The following ZMAT4 variants were observed in gnomAD, a reference collection of about 807,000 sequenced individuals.
ZMAT4 encodes zinc finger matrin-type 4.
In ZMAT4, 17 loss-of-function variants were observed where a neutral mutation model predicts 28.7. The ratio of observed to expected loss-of-function variants is 0.59; its 90% CI spans 0.41 to 0.89. ZMAT4 has a LOEUF of 0.89. ZMAT4 is among the 40% of genes least tolerant of loss of function. ZMAT4 has a pLI of 0.00. For missense variants in ZMAT4, 240 were observed against 283.8 expected (o/e 0.85, Z 1.11); for synonymous variants, 117 against 109.2 (o/e 1.07, Z -0.44).
At chr8:40,622,352 TCTC>T (rs1258291215) in intron 5 of ZMAT4, among the ~76,000 whole-genome samples, 1 of 152,194 alleles carries the variant, frequency 6.6e-6, no homozygotes, top group East Asian at 1.9e-4. Context: ...ATGCCTGCCT[TCTC>T]CAACACTTAA....
At chr8:40,535,472 C>G (rs894408967) in intron 6 of ZMAT4, among the ~76,000 whole-genome samples, 1 of 152,030 alleles carries the variant, frequency 6.6e-6, no homozygotes, top group South Asian at 2.1e-4. Context: ...AGATCGAGAC[C>G]ATCCTGGCCA....
chr8:40,878,151 C>T (rs1672684536), intron 1 of ZMAT4, among the ~76,000 whole-genome samples: 1 of 152,170 alleles, frequency 6.6e-6, no homozygotes, highest in Non-Finnish European at 1.5e-5. Context: ...AGCAAAGGGC[C>T]TCCAAGTGGC....
At chr8:40,719,034 A>C (rs961185071) in intron 3 of ZMAT4, among the ~76,000 whole-genome samples, 1 of 152,222 alleles carries the variant, frequency 6.6e-6, no homozygotes, top group Non-Finnish European at 1.5e-5. Flanking sequence ...GCTCACTCAG[A>C]TGAGAACCGG....
intron 2 of ZMAT4, among the ~76,000 whole-genome samples, chr8:40,811,501 G>A (rs924449892): frequency 2.0e-5 from 3 of 152,200 alleles, no homozygotes; most frequent in African/African-American, 7.2e-5. Context: ...GGGGTAATCG[G>A]AAGCCAACGT....
chr8:40,639,638 A>ACAC (rs1806933383), intron 5 of ZMAT4, among the ~76,000 whole-genome samples: 1 of 152,034 alleles, frequency 6.6e-6, no homozygotes, highest in African/African-American at 2.4e-5. Context: ...ACACACACAC[A>ACAC]CACACACACA....
At chr8:40,612,656 T>C (rs1403397220) in intron 5 of ZMAT4, among the ~76,000 whole-genome samples, 1 of 136,936 alleles carries the variant, frequency 7.3e-6, no homozygotes, top group Non-Finnish European at 1.7e-5. Flanking sequence ...CCTGATATCT[T>C]CACCTGAGTG....
At chr8:40,554,369 AGTTAATTAACTACTAATTG>A in intron 6 of ZMAT4, among the ~76,000 whole-genome samples, 1 of 150,984 alleles carries the variant, frequency 6.6e-6, no homozygotes, top group African/African-American at 2.4e-5. Flanking sequence ...TAAGTTAATT[AGTTAATTAACTACTAATTG>A]GTTAATTAAC....
At chr8:40,828,694 A>G (rs72641565) in intron 1 of ZMAT4, among the ~76,000 whole-genome samples, 2,751 of 152,304 alleles carry the variant, frequency 0.018, 39 homozygotes, top group Non-Finnish European at 0.03. Context: ...CCTGAGTGGA[A>G]TATCTGAACA....
chr8:40,754,885 G>T (rs776021974), intron 3 of ZMAT4, among the ~76,000 whole-genome samples: 2 of 152,178 alleles, frequency 1.3e-5, no homozygotes, highest in African/African-American at 2.4e-5. Context: ...TTAGCTGGTT[G>T]CCGTGATGCA....
At chr8:40,889,305 G>A (rs967517386) in intron 1 of ZMAT4, among the ~76,000 whole-genome samples, 1 of 152,232 alleles carries the variant, frequency 6.6e-6, no homozygotes, top group Non-Finnish European at 1.5e-5. Flanking sequence ...CGCATTTCAC[G>A]TGAGCGTTTA....
At chr8:40,673,802 A>C (rs192130403) in intron 5 of ZMAT4, among the ~76,000 whole-genome samples, 2 of 152,152 alleles carry the variant, frequency 1.3e-5, no homozygotes, top group Non-Finnish European at 2.9e-5. Flanking sequence ...TTCCAAATTC[A>C]GCAGCTTCTG....
chr8:40,561,476 C>T (rs1563340755), intron 6 of ZMAT4, among the ~76,000 whole-genome samples: 1 of 152,136 alleles, frequency 6.6e-6, no homozygotes, highest in African/African-American at 2.4e-5. Context: ...TGCAGAACTA[C>T]CACTTTATTG....
At chr8:40,637,739 C>T (rs755235201) in intron 5 of ZMAT4, among the ~76,000 whole-genome samples, 5 of 152,310 alleles carry the variant, frequency 3.3e-5, no homozygotes, top group Non-Finnish European at 7.3e-5. Flanking sequence ...GTGGAGCTGT[C>T]CTTCCTGGAC....
intron 5 of ZMAT4, among the ~76,000 whole-genome samples, chr8:40,657,847 G>A (rs1358015243): frequency 6.6e-6 from 1 of 152,116 alleles, no homozygotes; most frequent in Admixed American, 6.6e-5. Flanking sequence ...AATAATTTTA[G>A]GTGTAGTTTT....
At chr8:40,824,133 G>A (rs1815932621) in intron 2 of ZMAT4, among the ~76,000 whole-genome samples, 1 of 152,152 alleles carries the variant, frequency 6.6e-6, no homozygotes, top group Non-Finnish European at 1.5e-5. Context: ...GAGGCCCAGA[G>A]GAGTTTGAGG....
chr8:40,601,495 G>A (rs5024446), intron 5 of ZMAT4, among the ~76,000 whole-genome samples: 79,664 of 95,078 alleles, frequency 0.84, 33,165 homozygotes, highest in East Asian at 0.97. Context: ...GAAAGAAAGA[G>A]AGAAAGAAAG....
intron 4 of ZMAT4, 51 bp from the exon 5 acceptor site, chr8:40,674,982 GTCCACTC>G: frequency 7.0e-7 from 1 of 1,433,110 alleles, no homozygotes; most frequent in Non-Finnish European, 9.7e-7. Context: ...CCAACACTGA[GTCCACTC>G]TTCCTCAATA....
At chr8:40,675,528 C>A (rs1799166640) in intron 4 of ZMAT4, among the ~76,000 whole-genome samples, 1 of 152,044 alleles carries the variant, frequency 6.6e-6, no homozygotes, top group African/African-American at 2.4e-5. Flanking sequence ...GGATAAAATG[C>A]AACTAAATAA....
At chr8:40,606,394 ATTTG>A (rs1011740400) in intron 5 of ZMAT4, among the ~76,000 whole-genome samples, 37 of 152,070 alleles carry the variant, frequency 2.4e-4, no homozygotes, top group Non-Finnish European at 3.7e-4. Flanking sequence ...TTCTTTCAGT[ATTTG>A]TTTGTCTGAA....
Sources: gnomAD v4.1 joint callset for allele counts (sites outside exome capture counted in the v4.1 genomes callset) on GRCh38, gnomAD v4.1.1 for gene constraint, MANE v1.5 for transcripts, NCBI Gene and HGNC (gene_info 2026-07-23, HGNC 2026-07-21) for gene names.